The following EYS variants were observed in gnomAD, a reference collection of about 807,000 sequenced individuals.
EYS encodes the protein protein eyes shut homolog.
A neutral mutation model predicts 282.1 loss-of-function variants in EYS; 250 were observed. The ratio of observed to expected loss-of-function variants is 0.89; its 90% confidence interval spans 0.80 to 0.98. The LOEUF is 0.98. Ranked by LOEUF, EYS falls within the 50% of genes least tolerant of loss-of-function variation. The pLI, the probability that EYS is intolerant of heterozygous loss-of-function variation, is 0.00. For synonymous variants in EYS, 1,355 were observed against 1,282.9 expected (o/e 1.06, Z -1.20); for missense variants, 4,016 against 3,709.0 (o/e 1.08, Z -2.15).
chr6:64,962,710 T>C (rs1340814042), intron 14 of EYS, among the ~76,000 whole-genome samples: 1 of 152,048 alleles, frequency 6.6e-6, no homozygotes, highest in African/African-American at 2.4e-5. Context: ...ATCACACCAT[T>C]GTACTCCAGC....
intron 8 of EYS, among the ~76,000 whole-genome samples, chr6:65,364,835 A>T (rs369502475): frequency 1.3e-5 from 2 of 151,746 alleles, no homozygotes; most frequent in African/African-American, 2.4e-5. Flanking sequence ...CTAAATTTTT[A>T]AAAAATGAAA....
intron 22 of EYS, among the ~76,000 whole-genome samples, chr6:64,741,821 G>C (rs992429688): frequency 1.3e-5 from 2 of 152,044 alleles, no homozygotes; most frequent in Admixed American, 6.5e-5. Flanking sequence ...AGAGAGTCAG[G>C]GTCTTGCTCT....
At chr6:64,018,811 G>A (rs528331531) in intron 33 of EYS, among the ~76,000 whole-genome samples, 9 of 110,278 alleles carry the variant, frequency 8.2e-5, no homozygotes, top group Admixed American at 1.5e-4. Context: ...GTCTCACTCT[G>A]TTGCCCAGGC....
chr6:64,982,214 A>G (rs1208460984), intron 14 of EYS, among the ~76,000 whole-genome samples: 2 of 151,388 alleles, frequency 1.3e-5, no homozygotes, highest in Admixed American at 1.3e-4. Flanking sequence ...TGGTCAGCCC[A>G]TTAAATCAAA....
intron 28 of EYS, among the ~76,000 whole-genome samples, chr6:64,390,132 G>T (rs1439512152): frequency 6.6e-6 from 1 of 152,136 alleles, no homozygotes; most frequent in Non-Finnish European, 1.5e-5. Flanking sequence ...TACGCCCACG[G>T]AGTCTCGCTG....
At position 65,598,244 on chromosome 6, in the gene EYS, C is replaced by CT. The variant is rs376554823; in HGVS notation, c.-333+41533_-333+41534insA. On this transcript the variant is annotated intron_variant, in intron 2 of 42. Coordinates refer to ENST00000503581, the MANE Select transcript of EYS (RefSeq NM_001142800.2). Reference sequence around the variant, plus strand: ...AAGACCCTCCTCCCCACCCACCCCCCCCCCAAAAAAAAAAACAAAAACTTT... The same window carrying CT: ...AAGACCCTCCTCCCCACCCACCCCCCTCCCCAAAAAAAAAAACAAAAACTTT... Among the ~76,000 whole-genome samples, 410 of 89,962 alleles carry CT rather than the reference C, an allele frequency of 4.6e-3. 28 individuals carry two copies. The highest frequency in any genetic ancestry group is 0.016 in the African/African-American group (375 of 24,026). The allele number at this position is 89,962 out of a possible 152,430, so 59.0% of individuals were successfully genotyped here.
At chr6:64,631,828 C>T (rs1767793836) in intron 22 of EYS, 1 of 151,990 alleles carries the variant, frequency 6.6e-6, no homozygotes, top group African/African-American at 2.4e-5. Flanking sequence ...ACAATCTATT[C>T]TATTCAGAAA....
At chr6:64,941,409 T>C (rs1769086931) in intron 15 of EYS, among the ~76,000 whole-genome samples, 1 of 151,928 alleles carries the variant, frequency 6.6e-6, no homozygotes, top group African/African-American at 2.4e-5. Context: ...ATATACGTGG[T>C]TATTAAGCTT....
chr6:64,985,110 C>T (rs1231370426), intron 14 of EYS, among the ~76,000 whole-genome samples: 1 of 151,356 alleles, frequency 6.6e-6, no homozygotes, highest in Non-Finnish European at 1.5e-5. Context: ...TGAATAGGTC[C>T]TGGTTGTAGC....
chr6:65,352,378 AAAGAATGAAAATACCATATAGTCTT>A, intron 9 of EYS, among the ~76,000 whole-genome samples: 1 of 152,052 alleles, frequency 6.6e-6, no homozygotes, highest in African/African-American at 2.4e-5. Flanking sequence ...ATATTCTTTA[AAAGAATGAAAATACCATATAGTCTT>A]AAGAATGTAA....
At chr6:64,694,908 G>A (rs1770522151) in intron 22 of EYS, among the ~76,000 whole-genome samples, 1 of 152,034 alleles carries the variant, frequency 6.6e-6, no homozygotes, top group Non-Finnish European at 1.5e-5. Flanking sequence ...CCAGTGTCAG[G>A]CTGTGGGAGA....
chr6:63,755,171 C>T (rs1300136539), intron 41 of EYS, among the ~76,000 whole-genome samples: 2 of 152,088 alleles, frequency 1.3e-5, no homozygotes, highest in African/African-American at 2.4e-5. Flanking sequence ...GTTTCTTTTG[C>T]CGTGCAGAAA....
chr6:63,864,310 C>G lies in EYS; in HGVS notation c.7104G>C (p.Lys2368Asn), dbSNP rs1772619268. The change falls in exon 36 of 43, where the codon AAG becomes AAC. Residue 2368 changes from lysine (K) to asparagine (N), a missense_variant. Physicochemically the swap from Lys to Asn is moderately conservative, Grantham distance 94 (BLOSUM62 0). Coordinates refer to ENST00000503581, the MANE Select transcript of EYS (RefSeq NM_001142800.2). ...FCECPRLYSGKLCQFASCENN... is the reference protein window; with the variant it reads ...FCECPRLYSGNLCQFASCENN... The stretch of plus-strand genomic sequence containing the variant: ...TTTCACAACTTGCAAACTGGCACAG[C>G]TTGCCTGAATACAGCCTTGGACACT... 6.4e-7 allele frequency: 1 copy of G among 1,551,648 alleles called. No individual in the cohort carries two copies. Among genetic ancestry groups the G allele is most frequent in the Non-Finnish European group, 8.7e-7 (1 of 1,146,882 alleles).
chr6:64,592,010 A>C, intron 25 of EYS, 21 bp from the exon 26 acceptor site: 1 of 1,441,550 alleles, frequency 6.9e-7, no homozygotes, highest in Non-Finnish European at 9.1e-7. Context: ...GAAAAAAGCC[A>C]AAAAGGTTAG....
At chr6:65,310,739 C>G (rs1769134784) in intron 11 of EYS, among the ~76,000 whole-genome samples, 1 of 151,986 alleles carries the variant, frequency 6.6e-6, no homozygotes, top group South Asian at 2.1e-4. Flanking sequence ...TCGAGTGATT[C>G]CCATTTCCAC....
chr6:63,780,718 A>G (rs1289943971), intron 39 of EYS, among the ~76,000 whole-genome samples: 1 of 152,172 alleles, frequency 6.6e-6, no homozygotes, highest in Non-Finnish European at 1.5e-5. Flanking sequence ...CTCTGATGGT[A>G]GTTTCTTTTG....
intron 28 of EYS, among the ~76,000 whole-genome samples, chr6:64,397,125 T>C (rs1187676217): frequency 1.3e-5 from 2 of 152,278 alleles, no homozygotes; most frequent in South Asian, 2.1e-4. Context: ...TTCTCTCTTA[T>C]GTGTAATGAA....
chr6:64,367,610 G>GAA (rs11406765), intron 29 of EYS, among the ~76,000 whole-genome samples: 111 of 148,814 alleles, frequency 7.5e-4, no homozygotes, highest in Middle Eastern at 3.4e-3. Context: ...TTGGATTTCA[G>GAA]AAAAAAAAAA....
At chr6:64,710,354 G>A (rs1771165867) in intron 22 of EYS, among the ~76,000 whole-genome samples, 1 of 152,172 alleles carries the variant, frequency 6.6e-6, no homozygotes, top group Admixed American at 6.5e-5. Context: ...CCACATCTCA[G>A]GTGGAAAAGG....
Sources: gnomAD v4.1 joint callset for allele counts (sites outside exome capture counted in the v4.1 genomes callset) on GRCh38, gnomAD v4.1.1 for gene constraint, MANE v1.5 for transcripts, NCBI Gene and HGNC (gene_info 2026-07-23, HGNC 2026-07-21) for gene names.